Variants in CDIN1 observed in about 807,000 individuals in gnomAD.
The protein encoded by CDIN1 is CDAN1-interacting nuclease 1.
In CDIN1, 33 loss-of-function variants were observed where a neutral mutation model predicts 45.3. The ratio of observed to expected loss-of-function variants is 0.73; its 90% CI spans 0.55 to 0.97. CDIN1 has a LOEUF of 0.97. CDIN1 is among the 50% of genes least tolerant of loss of function. The pLI, the probability that CDIN1 is intolerant of heterozygous loss-of-function variation, is 0.00. For missense variants in CDIN1, 303 were observed against 339.4 expected (o/e 0.89, Z 0.84); for synonymous variants, 118 against 124.4 (o/e 0.95, Z 0.34).
At chr15:36,646,257 T>G (rs2040323722) in intron 3 of CDIN1, among the ~76,000 whole-genome samples, 1 of 152,192 alleles carries the variant, frequency 6.6e-6, no homozygotes, top group Non-Finnish European at 1.5e-5. Flanking sequence ...GTGTCATGTT[T>G]CGGTAATCAT....
At chr15:36,740,071 G>A (rs2044176220) in intron 10 of CDIN1, among the ~76,000 whole-genome samples, 1 of 152,196 alleles carries the variant, frequency 6.6e-6, no homozygotes, top group South Asian at 2.1e-4. Flanking sequence ...ACAAAAGTTG[G>A]GGGGTTGAAT....
chr15:36,666,636 C>G (rs183577439), intron 5 of CDIN1, among the ~76,000 whole-genome samples: 3 of 152,310 alleles, frequency 2.0e-5, no homozygotes. Flanking sequence ...ATTCATTCTT[C>G]CTACAAAGTA....
At chr15:36,799,837 C>T (rs972297627) in intron 10 of CDIN1, 7 of 152,084 alleles carry the variant, frequency 4.6e-5, no homozygotes, top group African/African-American at 1.7e-4. Flanking sequence ...TTCTAGAAAA[C>T]AGAGAGTAAA....
At chr15:36,781,083 A>G (rs560919675) in intron 10 of CDIN1, among the ~76,000 whole-genome samples, 1 of 152,352 alleles carries the variant, frequency 6.6e-6, no homozygotes, top group Admixed American at 6.5e-5. Flanking sequence ...TTACAAGATA[A>G]ATAAACAAAT....
At chr15:36,654,400 G>A (rs1222088234) in intron 4 of CDIN1, among the ~76,000 whole-genome samples, 3 of 151,238 alleles carry the variant, frequency 2.0e-5, no homozygotes, top group African/African-American at 4.9e-5. Flanking sequence ...ACAGCCTCTT[G>A]GTTTCTTATT....
At chr15:36,622,019 A>G (rs1161180551) in intron 1 of CDIN1, among the ~76,000 whole-genome samples, 1 of 152,080 alleles carries the variant, frequency 6.6e-6, no homozygotes, top group Non-Finnish European at 1.5e-5. Flanking sequence ...TCCCTGTTTC[A>G]TTTGACACAA....
intron 1 of CDIN1, among the ~76,000 whole-genome samples, chr15:36,603,349 A>C (rs897600430): frequency 4.6e-5 from 7 of 152,214 alleles, no homozygotes; most frequent in Non-Finnish European, 1.0e-4. Context: ...AGGGTTAGAT[A>C]ATCTAACTAG....
intron 1 of CDIN1, chr15:36,640,782 T>A: frequency 2.7e-6 from 1 of 376,028 alleles, no homozygotes; most frequent in Non-Finnish European, 3.7e-6. Context: ...CCCAACTCTT[T>A]GAGGCTCTTT....
chr15:36,781,530 C>G (rs998268182), intron 10 of CDIN1, among the ~76,000 whole-genome samples: 2 of 152,182 alleles, frequency 1.3e-5, no homozygotes, highest in Admixed American at 6.5e-5. Context: ...TCCAAAGAAA[C>G]AATAGGTGTC....
At chr15:36,665,073 T>G (rs952050739) in intron 5 of CDIN1, among the ~76,000 whole-genome samples, 6 of 152,210 alleles carry the variant, frequency 3.9e-5, no homozygotes, top group Admixed American at 1.3e-4. Flanking sequence ...GGAGTAGGAA[T>G]GAACTTATTT....
intron 6 of CDIN1, 64 bp downstream of exon 6, chr15:36,691,828 T>G (rs2042263339): frequency 8.0e-7 from 1 of 1,250,760 alleles, no homozygotes; most frequent in East Asian, 2.5e-5. Flanking sequence ...AGTAAAGGAT[T>G]TTAAACCTCA....
chr15:36,600,365 G>A (rs2038038106), intron 1 of CDIN1, among the ~76,000 whole-genome samples: 2 of 152,160 alleles, frequency 1.3e-5, no homozygotes, highest in Admixed American at 6.5e-5. Context: ...ATGAAGGCGG[G>A]GTGCAATATG....
intron 10 of CDIN1, among the ~76,000 whole-genome samples, chr15:36,756,874 A>G (rs1430063455): frequency 1.3e-5 from 2 of 152,162 alleles, no homozygotes; most frequent in Non-Finnish European, 2.9e-5. Flanking sequence ...GGCCCTGGCT[A>G]ATTTGACATG....
Position 36,751,229 on chromosome 15 carries a change from T to TATATA in CDIN1, c.716+41268_716+41269insATATA, listed in dbSNP as rs1555404178. 8.1e-3 allele frequency among the ~76,000 whole-genome samples: 793 copies of TATATA among 97,540 alleles called. 22 individuals are homozygous for TATATA. The highest frequency in any genetic ancestry group is 0.03 in the East Asian group (60 of 1,978). The allele number at this position is 97,540 out of a possible 152,430, so 64.0% of individuals were successfully genotyped here. ...ATAAAAGCATATATATATGCTTATT[T>TATATA]TATATATATATATATATATATATAT... On this transcript the variant is annotated intron_variant, in intron 10 of 10. Transcript: ENST00000566621.
At chr15:36,636,643 T>C (rs1381716748) in intron 1 of CDIN1, among the ~76,000 whole-genome samples, 1 of 152,142 alleles carries the variant, frequency 6.6e-6, no homozygotes, top group African/African-American at 2.4e-5. Context: ...CATCTGTGGG[T>C]AAATCTGAGT....
intron 10 of CDIN1, among the ~76,000 whole-genome samples, chr15:36,785,655 C>G (rs978655059): frequency 6.6e-5 from 10 of 152,256 alleles, no homozygotes; most frequent in African/African-American, 2.4e-4. Flanking sequence ...CTCCAGTGAC[C>G]CAGGGAAAAA....
chr15:36,659,635 T>C (rs2040916117), intron 5 of CDIN1, among the ~76,000 whole-genome samples: 2 of 151,876 alleles, frequency 1.3e-5, no homozygotes, highest in Non-Finnish European at 2.9e-5. Context: ...TTTTTTTTTT[T>C]TTTTCCTGAG....
At chr15:36,782,329 G>A (rs1167993590) in intron 10 of CDIN1, among the ~76,000 whole-genome samples, 1 of 152,138 alleles carries the variant, frequency 6.6e-6, no homozygotes, top group African/African-American at 2.4e-5. Flanking sequence ...GATCAAAAAT[G>A]TGATGATGCC....
chr15:36,619,500 T>TCC (rs2039057701), intron 1 of CDIN1, among the ~76,000 whole-genome samples: 1 of 151,952 alleles, frequency 6.6e-6, no homozygotes, highest in African/African-American at 2.4e-5. Context: ...TCTATCTATC[T>TCC]ATCTATCTAT....
Sources: gnomAD v4.1 joint callset for allele counts (sites outside exome capture counted in the v4.1 genomes callset) on GRCh38, gnomAD v4.1.1 for gene constraint, MANE v1.5 for transcripts, NCBI Gene and HGNC (gene_info 2026-07-23, HGNC 2026-07-21) for gene names.